TCF12: variants seen among roughly 807,000 people sequenced by gnomAD.
TCF12 encodes transcription factor 12.
In TCF12, 45 loss-of-function variants were observed where a neutral mutation model predicts 86.0. The ratio of observed to expected loss-of-function variants is 0.52; its 90% CI spans 0.41 to 0.67. The LOEUF is 0.67. Among genes scored for constraint, TCF12 ranks in the 30% least tolerant of loss-of-function variants. The pLI, the probability that TCF12 is intolerant of heterozygous loss-of-function variation, is 0.00. For synonymous variants in TCF12, 330 were observed against 299.6 expected (o/e 1.10, Z -1.05); for missense variants, 881 against 859.9 (o/e 1.02, Z -0.31).
At chr15:57,208,637 G>A (rs2057968343) in intron 8 of TCF12, among the ~76,000 whole-genome samples, 1 of 151,018 alleles carries the variant, frequency 6.6e-6, no homozygotes, top group African/African-American at 2.4e-5. Flanking sequence ...CACCCACCTT[G>A]GCCTCCCAAA....
chr15:57,133,128 G>A (rs536183547), intron 5 of TCF12, among the ~76,000 whole-genome samples: 1 of 152,060 alleles, frequency 6.6e-6, no homozygotes, highest in South Asian at 2.1e-4. Flanking sequence ...TCATACTATT[G>A]TTTAACAGTT....
chr15:57,007,755 C>T (rs1162320310), intron 3 of TCF12, among the ~76,000 whole-genome samples: 2 of 83,860 alleles, frequency 2.4e-5, no homozygotes, highest in African/African-American at 8.4e-5. Context: ...AATATTTTTC[C>T]TTCTTTCTTT....
chr15:57,152,549 A>G (rs2053836180), intron 5 of TCF12, among the ~76,000 whole-genome samples: 1 of 152,208 alleles, frequency 6.6e-6, no homozygotes, highest in Non-Finnish European at 1.5e-5. Flanking sequence ...TAATAAAAAA[A>G]AAAACAGAGG....
chr15:57,155,882 T>C (rs527494889), intron 5 of TCF12, among the ~76,000 whole-genome samples: 1 of 152,298 alleles, frequency 6.6e-6, no homozygotes, highest in Admixed American at 6.5e-5. Flanking sequence ...TTCAACAAAA[T>C]GAAATAGTTA....
rs150021424 is a variant in TCF12, at chr15:57,173,307, G to C, written c.390+6841G>C. On this transcript the variant is annotated intron_variant, in intron 6 of 20. Transcript: ENST00000333725. ...TTTGAAAGCTTGTATTAGAAAAGAT[G>C]TACAGTGAATGACCAAGATTCTGCC... 1.1e-4 allele frequency among the ~76,000 whole-genome samples: 17 copies of C among 152,282 alleles called. 1 individual carries two copies. In the East Asian group the frequency reaches 3.1e-3, roughly 28 times the overall value.
At chr15:57,139,869 A>T (rs766201279) in intron 5 of TCF12, among the ~76,000 whole-genome samples, 8 of 152,228 alleles carry the variant, frequency 5.3e-5, no homozygotes, top group Non-Finnish European at 1.0e-4. Flanking sequence ...CCAGAAAAAG[A>T]GACAGTAAAC....
intron 6 of TCF12, among the ~76,000 whole-genome samples, chr15:57,181,747 A>G (rs2056366138): frequency 6.6e-6 from 1 of 152,180 alleles, no homozygotes; most frequent in Admixed American, 6.5e-5. Context: ...TAAAAATTGG[A>G]AATTTTGTTC....
At chr15:56,988,300 A>G (rs959348850) in intron 3 of TCF12, among the ~76,000 whole-genome samples, 1 of 152,190 alleles carries the variant, frequency 6.6e-6, no homozygotes. Context: ...ACTATACACT[A>G]GACTATGTGG....
At chr15:57,226,346 T>A (rs1420854348) in intron 8 of TCF12, among the ~76,000 whole-genome samples, 2 of 152,200 alleles carry the variant, frequency 1.3e-5, no homozygotes, top group South Asian at 2.1e-4. Flanking sequence ...CATTTTAAAA[T>A]TATGATGGCA....
At chr15:56,920,504 G>GTGTGTGTA (rs1379714560) in intron 2 of TCF12, among the ~76,000 whole-genome samples, 1 of 151,542 alleles carries the variant, frequency 6.6e-6, no homozygotes, top group Non-Finnish European at 1.5e-5. Flanking sequence ...GTGTGTGTGT[G>GTGTGTGTA]TGTGTATTAT....
intron 5 of TCF12, among the ~76,000 whole-genome samples, chr15:57,140,462 A>G (rs780036251): frequency 8.5e-5 from 13 of 152,196 alleles, no homozygotes; most frequent in South Asian, 2.1e-4. Context: ...TTTATTCAAC[A>G]AATATTTATA....
intron 3 of TCF12, among the ~76,000 whole-genome samples, chr15:56,954,487 A>G (rs976849998): frequency 2.0e-5 from 3 of 152,190 alleles, no homozygotes; most frequent in Non-Finnish European, 1.5e-5. Flanking sequence ...AGCCTAGGCA[A>G]TACTATTCAG....
chr15:57,278,985 T>C (rs2061556316), intron 19 of TCF12, among the ~76,000 whole-genome samples: 1 of 151,396 alleles, frequency 6.6e-6, no homozygotes, highest in Non-Finnish European at 1.5e-5. Context: ...GTCTTGTATT[T>C]TCTTTTCTTT....
At chr15:57,033,669 A>T (rs1449442403) in intron 3 of TCF12, among the ~76,000 whole-genome samples, 1 of 152,188 alleles carries the variant, frequency 6.6e-6, no homozygotes, top group Non-Finnish European at 1.5e-5. Flanking sequence ...GAAAGAAAGT[A>T]GGTTCTTACT....
intron 3 of TCF12, among the ~76,000 whole-genome samples, chr15:56,996,568 A>G (rs8023816): frequency 0.24 from 36,417 of 152,038 alleles, 5,047 homozygotes; most frequent in East Asian, 0.4. Flanking sequence ...ACTCTTCTCA[A>G]CATTAGCCTT....
intron 6 of TCF12, among the ~76,000 whole-genome samples, chr15:57,174,882 T>A (rs1746623995): frequency 6.6e-6 from 1 of 152,210 alleles, no homozygotes; most frequent in Non-Finnish European, 1.5e-5. Context: ...GTCACTTAGA[T>A]GTTAGTTCTT....
chr15:57,038,320 CA>C (rs1213465527), intron 3 of TCF12, among the ~76,000 whole-genome samples: 1 of 151,854 alleles, frequency 6.6e-6, no homozygotes, highest in African/African-American at 2.4e-5. Flanking sequence ...CCAAGCTACT[CA>C]GGGGGCTGAG....
At chr15:56,928,182 C>G (rs2060098710) in intron 3 of TCF12, among the ~76,000 whole-genome samples, 1 of 152,146 alleles carries the variant, frequency 6.6e-6, no homozygotes, top group Non-Finnish European at 1.5e-5. Flanking sequence ...CAGAGCTATA[C>G]TTTTTTCATT....
intron 5 of TCF12, among the ~76,000 whole-genome samples, chr15:57,158,119 G>C (rs1374530079): frequency 6.6e-6 from 1 of 151,224 alleles, no homozygotes; most frequent in Non-Finnish European, 1.5e-5. Context: ...AGGAAGGGTA[G>C]TTGAGTTGGT....
Sources: gnomAD v4.1 joint callset for allele counts (sites outside exome capture counted in the v4.1 genomes callset) on GRCh38, gnomAD v4.1.1 for gene constraint, MANE v1.5 for transcripts, NCBI Gene and HGNC (gene_info 2026-07-23, HGNC 2026-07-21) for gene names.